The following WDFY4 variants were observed in gnomAD, a reference collection of about 807,000 sequenced individuals.
The protein encoded by WDFY4 is WD repeat- and FYVE domain-containing protein 4.
In WDFY4, 169 loss-of-function variants were observed where a neutral mutation model predicts 351.9. That is an observed-to-expected ratio of 0.48 (90% confidence interval 0.42 to 0.55). The LOEUF is 0.55. Ranked by LOEUF, WDFY4 falls within the 20% of genes least tolerant of loss-of-function variation. WDFY4 has a pLI of 0.00. For synonymous variants in WDFY4, 1,622 were observed against 1,574.6 expected (o/e 1.03, Z -0.71); for missense variants, 3,803 against 3,935.6 (o/e 0.97, Z 0.90).
intron 47 of WDFY4, among the ~76,000 whole-genome samples, chr10:48,927,118 G>C (rs1309068072): frequency 6.6e-6 from 1 of 151,880 alleles, no homozygotes; most frequent in Non-Finnish European, 1.5e-5. Context: ...CCTGAAGTTT[G>C]ATTTTTACCG....
At chr10:48,936,344 T>C (rs1284053064) in intron 47 of WDFY4, among the ~76,000 whole-genome samples, 1 of 152,126 alleles carries the variant, frequency 6.6e-6, no homozygotes, top group East Asian at 1.9e-4. Context: ...TGAATGAAGA[T>C]GACTAGAAAA....
intron 11 of WDFY4, among the ~76,000 whole-genome samples, chr10:48,741,911 G>T (rs57379974): frequency 0.083 from 12,569 of 152,168 alleles, 641 homozygotes; most frequent in East Asian, 0.24. Flanking sequence ...GTTTTAGATG[G>T]AGTCCAATGC....
chr10:48,812,309 C>T (rs952841716), intron 30 of WDFY4, among the ~76,000 whole-genome samples: 4 of 151,470 alleles, frequency 2.6e-5, no homozygotes, highest in African/African-American at 9.7e-5. Flanking sequence ...CCCACCTCAG[C>T]CTCCCAAGTA....
rs1261904430 is a variant in WDFY4, at chr10:48,822,438, C to T, written c.5883C>T (p.Ile1961=). ...CTGCTGCCCCTTCTCTTGCCAACAT[C>T]TCCTGCTTCACCCAGAAGCTGGTGG... ...EAAAAPSLAN[I]SCFTQKLVEK... is the part of the protein sequence containing the mutation. The change falls in exon 35 of 62, where the codon ATC becomes ATT. Residue 1961 remains isoleucine (I), a synonymous_variant. Coordinates refer to ENST00000325239, the MANE Select transcript of WDFY4 (RefSeq NM_001394531.1). The T allele has an allele frequency of 6.4e-7, 1 of 1,551,564 alleles. No homozygotes were observed. Among genetic ancestry groups the T allele is most frequent in the Non-Finnish European group, 8.7e-7 (1 of 1,146,764 alleles).
At chr10:48,970,008 G>A in intron 56 of WDFY4, 123 bp from the exon 57 acceptor site, 4 of 1,225,878 alleles carry the variant, frequency 3.3e-6, no homozygotes, top group Non-Finnish European at 4.5e-6. Flanking sequence ...ACTGGCTCCT[G>A]AACACATGGC....
At chr10:48,904,261 G>C (rs577098740) in intron 47 of WDFY4, among the ~76,000 whole-genome samples, 1 of 152,192 alleles carries the variant, frequency 6.6e-6, no homozygotes, top group Non-Finnish European at 1.5e-5. Context: ...TGGGGTGGCT[G>C]TTTACCAACT....
intron 39 of WDFY4, among the ~76,000 whole-genome samples, chr10:48,862,922 A>C (rs1017058512): frequency 6.6e-5 from 10 of 152,206 alleles, no homozygotes; most frequent in African/African-American, 2.2e-4. Flanking sequence ...TTTCTCTATA[A>C]ACATTTCATA....
intron 19 of WDFY4, among the ~76,000 whole-genome samples, chr10:48,784,780 T>C (rs1565194147): frequency 6.6e-6 from 1 of 151,004 alleles, no homozygotes; most frequent in Non-Finnish European, 1.5e-5. Flanking sequence ...GACCTCGTGA[T>C]CTGCCCACCT....
At chr10:48,746,542 A>C (rs1228530324) in intron 12 of WDFY4, among the ~76,000 whole-genome samples, 1 of 151,978 alleles carries the variant, frequency 6.6e-6, no homozygotes, top group Non-Finnish European at 1.5e-5. Context: ...ATTTAACTGG[A>C]GAAAGTCATT....
intron 52 of WDFY4, among the ~76,000 whole-genome samples, chr10:48,959,057 A>G (rs866777088): frequency 2.0e-5 from 3 of 152,200 alleles, no homozygotes; most frequent in South Asian, 4.1e-4. Context: ...TGCCAGCCCT[A>G]TGAGATAATT....
At chr10:48,723,084 AT>A (rs1410954582) in intron 4 of WDFY4, among the ~76,000 whole-genome samples, 4 of 151,874 alleles carry the variant, frequency 2.6e-5, no homozygotes, top group Non-Finnish European at 5.9e-5. Context: ...ACACAGTATG[AT>A]TTGTTAGGAA....
intron 37 of WDFY4, 130 bp downstream of exon 37, chr10:48,829,026 A>G: frequency 1.7e-6 from 1 of 603,882 alleles, no homozygotes; most frequent in Non-Finnish European, 2.8e-6. Context: ...AGATACTATT[A>G]AGGACATTTT....
intron 39 of WDFY4, among the ~76,000 whole-genome samples, chr10:48,861,152 C>A (rs950806389): frequency 1.3e-5 from 2 of 152,116 alleles, no homozygotes; most frequent in African/African-American, 4.8e-5. Context: ...ATTTTCTCTA[C>A]ACTCGTTTAA....
intron 12 of WDFY4, among the ~76,000 whole-genome samples, chr10:48,753,381 G>A (rs2065241561): frequency 6.6e-6 from 1 of 152,046 alleles, no homozygotes; most frequent in Non-Finnish European, 1.5e-5. Flanking sequence ...ATGAAGTCCA[G>A]TTTATCCATT....
intron 39 of WDFY4, among the ~76,000 whole-genome samples, chr10:48,850,468 C>A (rs918667228): frequency 6.6e-6 from 1 of 152,138 alleles, no homozygotes; most frequent in African/African-American, 2.4e-5. Flanking sequence ...TAGTATTTAA[C>A]TGATCTCATA....
intron 51 of WDFY4, among the ~76,000 whole-genome samples, chr10:48,948,526 A>T (rs1276905032): frequency 6.6e-6 from 1 of 152,216 alleles, no homozygotes; most frequent in Non-Finnish European, 1.5e-5. Flanking sequence ...CCCCAGCTCT[A>T]CCTGTTGCTA....
At chr10:48,974,203 T>C (rs1483723737) in intron 57 of WDFY4, among the ~76,000 whole-genome samples, 1 of 152,034 alleles carries the variant, frequency 6.6e-6, no homozygotes, top group Non-Finnish European at 1.5e-5. Context: ...GCTTTGTATG[T>C]TAATCGTAAC....
intron 1 of WDFY4, among the ~76,000 whole-genome samples, chr10:48,695,161 C>T (rs775287350): frequency 2.0e-5 from 3 of 152,218 alleles, no homozygotes; most frequent in South Asian, 2.1e-4. Flanking sequence ...GGAGTGTCCA[C>T]GTTGTCCAAG....
At chr10:48,802,387 C>T (rs891074647) in intron 24 of WDFY4, among the ~76,000 whole-genome samples, 3 of 152,094 alleles carry the variant, frequency 2.0e-5, no homozygotes, top group Non-Finnish European at 4.4e-5. Context: ...TACATAAATG[C>T]GGATAATAAT....
Sources: gnomAD v4.1 joint callset for allele counts (sites outside exome capture counted in the v4.1 genomes callset) on GRCh38, gnomAD v4.1.1 for gene constraint, MANE v1.5 for transcripts, NCBI Gene and HGNC (gene_info 2026-07-23, HGNC 2026-07-21) for gene names.